The following ZMIZ1 variants were observed in gnomAD, a reference collection of about 807,000 sequenced individuals.
The protein encoded by ZMIZ1 is zinc finger MIZ-type containing 1, also known as zinc finger MIZ domain-containing protein 1.
ZMIZ1 carries 17 observed loss-of-function variants against 113.9 expected under a neutral mutation model. The ratio of observed to expected loss-of-function variants is 0.15; its 90% CI spans 0.10 to 0.22. The LOEUF (loss-of-function observed/expected upper bound fraction) is 0.22, where lower values mean the gene tolerates loss of function less well. Ranked by LOEUF, ZMIZ1 falls within the 10% of genes least tolerant of loss-of-function variation. ZMIZ1 has a pLI of 1.00. For missense variants in ZMIZ1, 1,059 were observed against 1,477.8 expected, an observed-to-expected ratio of 0.72 and a Z score of 4.65; for synonymous variants, 607 against 603.1, an observed-to-expected ratio of 1.01 and a Z score of -0.09.
intron 4 of ZMIZ1, among the ~76,000 whole-genome samples, chr10:79,162,955 A>C (rs1206941178): frequency 6.6e-6 from 1 of 152,234 alleles, no homozygotes; most frequent in East Asian, 1.9e-4. Flanking sequence ...GGTCAAGCCC[A>C]GCTCTGTCCC....
chr10:79,197,054 T>C (rs1847861976), intron 4 of ZMIZ1, among the ~76,000 whole-genome samples: 1 of 152,212 alleles, frequency 6.6e-6, no homozygotes, highest in Non-Finnish European at 1.5e-5. Context: ...GCTGGCTGCC[T>C]GGGCCACCGG....
chr10:79,308,925 G>A lies in ZMIZ1; in HGVS notation c.2835+1354G>A, dbSNP rs142185697. Among the ~76,000 whole-genome samples, 521 of 152,278 alleles carry A rather than the reference G, an allele frequency of 3.4e-3. 4 individuals carry two copies. The highest frequency in any genetic ancestry group is 0.012 in the African/African-American group (498 of 41,536). On this transcript the variant is annotated intron_variant, in intron 23 of 24. Coordinates refer to ENST00000334512, the MANE Select transcript of ZMIZ1 (RefSeq NM_020338.4). ...GAGCCCCGCTGCCTGCATTCTGTGT[G>A]GCTTGATCTGAGCCTGTGAGTTGAC... is the stretch of plus-strand genomic sequence containing the variant.
At chr10:79,269,148 A>G (rs1851783471) in intron 7 of ZMIZ1, among the ~76,000 whole-genome samples, 1 of 152,126 alleles carries the variant, frequency 6.6e-6, no homozygotes, top group South Asian at 2.1e-4. Flanking sequence ...AAGCCCCTGC[A>G]GCTCCCATGC....
chr10:79,302,955 A>G (rs1385952417), intron 18 of ZMIZ1, among the ~76,000 whole-genome samples: 6 of 143,628 alleles, frequency 4.2e-5, no homozygotes, highest in Admixed American at 3.5e-4. Context: ...TCCGCCTCCT[A>G]GGTTCACGCC....
At chr10:79,166,249 G>A (rs993374841) in intron 4 of ZMIZ1, among the ~76,000 whole-genome samples, 1 of 152,290 alleles carries the variant, frequency 6.6e-6, no homozygotes, top group African/African-American at 2.4e-5. Context: ...CCAGCAGCAC[G>A]GCTGCACCAT....
At chr10:79,122,391 G>T (rs1800211266) in intron 2 of ZMIZ1, among the ~76,000 whole-genome samples, 1 of 152,252 alleles carries the variant, frequency 6.6e-6, no homozygotes, top group African/African-American at 2.4e-5. Context: ...TTACCTTCCA[G>T]CGCTGCCCCT....
At chr10:79,096,607 C>T (rs906652775) in intron 1 of ZMIZ1, among the ~76,000 whole-genome samples, 16 of 151,664 alleles carry the variant, frequency 1.1e-4, no homozygotes, top group African/African-American at 9.7e-5. Flanking sequence ...AACCATTGGC[C>T]GTTTTCTTGA....
At chr10:79,157,956 G>A (rs1845968769) in intron 3 of ZMIZ1, among the ~76,000 whole-genome samples, 2 of 145,554 alleles carry the variant, frequency 1.4e-5, no homozygotes, top group Admixed American at 1.4e-4. Flanking sequence ...TAAAATGACA[G>A]TAGAACAGCT....
Position 79,145,908 on chromosome 10 carries a change from A to G in ZMIZ1, c.-131+6131A>G, listed in dbSNP as rs146083436. Among the ~76,000 whole-genome samples the G allele has an allele frequency of 3.4e-4, 51 of 152,206 alleles. No homozygotes were observed. In the South Asian group the frequency reaches 9.7e-3, roughly 29 times the overall value. ...TTTTTATTAGAGACAAGGTCTCACTATGTTGCCCAGGCTGGTCTCAAACTC... is the reference window on the plus strand; with the variant it reads ...TTTTTATTAGAGACAAGGTCTCACTGTGTTGCCCAGGCTGGTCTCAAACTC... On this transcript the variant is annotated intron_variant, in intron 3 of 24. Transcript: ENST00000334512.
At chr10:79,184,994 G>A (rs1190642805) in intron 4 of ZMIZ1, among the ~76,000 whole-genome samples, 1 of 152,234 alleles carries the variant, frequency 6.6e-6, no homozygotes, top group East Asian at 1.9e-4. Flanking sequence ...TTGCACAAGT[G>A]CAGGCAGGAG....
intron 15 of ZMIZ1, 100 bp downstream of exon 15, chr10:79,298,680 G>A: frequency 8.7e-7 from 1 of 1,146,812 alleles, no homozygotes; most frequent in Non-Finnish European, 1.2e-6. Context: ...GTGGGCATCA[G>A]AAGGGGCAGA....
intron 4 of ZMIZ1, among the ~76,000 whole-genome samples, chr10:79,171,193 T>G (rs1430092982): frequency 6.6e-6 from 1 of 152,216 alleles, no homozygotes; most frequent in Non-Finnish European, 1.5e-5. Context: ...GGGGAGTTAA[T>G]AAGCAGAGGT....
chr10:79,141,543 G>T (rs954446105), intron 3 of ZMIZ1, among the ~76,000 whole-genome samples: 2 of 152,114 alleles, frequency 1.3e-5, no homozygotes, highest in Non-Finnish European at 2.9e-5. Flanking sequence ...GAGTAGCTGG[G>T]ACTACAGGCA....
chr10:79,249,653 T>C (rs1023562943), intron 7 of ZMIZ1, among the ~76,000 whole-genome samples: 3 of 152,250 alleles, frequency 2.0e-5, no homozygotes, highest in Non-Finnish European at 4.4e-5. Context: ...TCAGTCACAG[T>C]AGTCACATTT....
chr10:79,081,803 G>C (rs55869157), intron 1 of ZMIZ1, among the ~76,000 whole-genome samples: 1 of 152,142 alleles, frequency 6.6e-6, no homozygotes, highest in Non-Finnish European at 1.5e-5. Context: ...GCTGTCGCAC[G>C]AGTCCAAGGG....
At chr10:79,178,326 G>A (rs969106009) in intron 4 of ZMIZ1, among the ~76,000 whole-genome samples, 3 of 152,214 alleles carry the variant, frequency 2.0e-5, no homozygotes, top group South Asian at 2.1e-4. Flanking sequence ...GTGTGGCCAC[G>A]CAGTCCCTTA....
chr10:79,309,265 C>G lies in ZMIZ1; in HGVS notation c.2836-1659C>G, dbSNP rs747391899. ...CTCCAACAGCACCTGCCCCTCCATG[C>G]CGGAGACATTCCAGCCAGATACGAA... On this transcript the variant is annotated intron_variant, in intron 23 of 24. Coordinates refer to ENST00000334512, the MANE Select transcript of ZMIZ1 (RefSeq NM_020338.4). 1.3e-3 allele frequency among the ~76,000 whole-genome samples: 192 copies of G among 152,330 alleles called. 5 individuals are homozygous for G. The highest frequency in any genetic ancestry group is 6.8e-3 in the Middle Eastern group (2 of 294).
At chr10:79,213,146 G>A (rs571946084) in intron 6 of ZMIZ1, among the ~76,000 whole-genome samples, 9 of 152,302 alleles carry the variant, frequency 5.9e-5, no homozygotes, top group African/African-American at 2.2e-4. Context: ...TGGGGAGGGG[G>A]CCTTGCACCC....
At chr10:79,152,808 C>G (rs1256274302) in intron 3 of ZMIZ1, among the ~76,000 whole-genome samples, 1 of 152,268 alleles carries the variant, frequency 6.6e-6, no homozygotes, top group African/African-American at 2.4e-5. Flanking sequence ...GTACCAGTGT[C>G]AGCCACCATG....
Sources: allele counts gnomAD v4.1 joint callset (sites outside exome capture counted in the v4.1 genomes callset), GRCh38; gene constraint gnomAD v4.1.1; transcripts MANE v1.5; gene names NCBI Gene and HGNC (gene_info 2026-07-23, HGNC 2026-07-21).